The following EXOC4 variants were observed in gnomAD, a reference collection of about 807,000 sequenced individuals.
EXOC4 encodes the protein exocyst complex component 4, also known as SEC8-like 1.
Under a neutral mutation model 107.2 loss-of-function variants are expected in EXOC4, and 71 were observed. That is an observed-to-expected ratio of 0.66 (90% CI 0.55 to 0.81). The LOEUF (loss-of-function observed/expected upper bound fraction) is 0.81, where lower values mean the gene tolerates loss of function less well. Ranked by LOEUF, EXOC4 falls within the 30% of genes least tolerant of loss-of-function variation. The probability of loss-of-function intolerance (pLI) is 0.00; values close to 1 mark genes in which losing one functional copy is unlikely to be tolerated. For missense variants in EXOC4, 1,108 were observed against 1,189.6 expected (o/e 0.93, Z 1.01); for synonymous variants, 456 against 441.2 (o/e 1.03, Z -0.42).
chr7:133,303,683 G>A (rs1455954122), intron 3 of EXOC4, among the ~76,000 whole-genome samples: 3 of 152,052 alleles, frequency 2.0e-5, no homozygotes, highest in Non-Finnish European at 4.4e-5. Context: ...CCTCTTTTGT[G>A]GTAAGGTTTT....
rs903509413 is a variant in EXOC4 at position 133,319,860 on chromosome 7, G to A, written c.763+2470G>A. Among the ~76,000 whole-genome samples, 25 of 13,526 alleles carry A rather than the reference G, an allele frequency of 1.8e-3. 1 individual carries two copies. Among genetic ancestry groups the A allele is most frequent in the African/African-American group, 7.8e-3 (25 of 3,194 alleles). 8.9% of individuals were successfully genotyped at this position (13,526 alleles called of 152,430 possible). A position where few individuals can be genotyped will look rare whatever the true frequency, so the allele number is the denominator to read the frequency against. On this transcript the variant is annotated intron_variant, in intron 5 of 17. Coordinates refer to ENST00000253861, the MANE Select transcript of EXOC4 (RefSeq NM_021807.4). ...GTGCTTTTTTTTTTTTTTTTTTTTTGTGCGTGACCAAAAAAGAAGGTAAAA... is the reference window on the plus strand; with the variant it reads ...GTGCTTTTTTTTTTTTTTTTTTTTTATGCGTGACCAAAAAAGAAGGTAAAA...
intron 10 of EXOC4, among the ~76,000 whole-genome samples, chr7:133,680,806 A>T (rs1428674097): frequency 6.6e-6 from 1 of 152,224 alleles, no homozygotes; most frequent in Admixed American, 6.5e-5. Flanking sequence ...AGAGAAAGCC[A>T]TTAGAAAATC....
intron 12 of EXOC4, among the ~76,000 whole-genome samples, chr7:133,900,940 G>A (rs548306495): frequency 1.7e-4 from 26 of 152,256 alleles, no homozygotes; most frequent in Non-Finnish European, 3.5e-4. Flanking sequence ...CACGATCTCA[G>A]CTCACTGCAG....
At chr7:133,690,815 G>T (rs906414494) in intron 10 of EXOC4, among the ~76,000 whole-genome samples, 2 of 152,102 alleles carry the variant, frequency 1.3e-5, no homozygotes, top group African/African-American at 2.4e-5. Flanking sequence ...GGGCTTCAAG[G>T]GGTCATAAAT....
At chr7:133,819,870 C>T (rs1225508694) in intron 11 of EXOC4, among the ~76,000 whole-genome samples, 1 of 152,100 alleles carries the variant, frequency 6.6e-6, no homozygotes, top group African/African-American at 2.4e-5. Flanking sequence ...ACTCATTGAT[C>T]TGGGCCATGT....
intron 9 of EXOC4, among the ~76,000 whole-genome samples, chr7:133,538,765 A>G (rs569161788): frequency 2.2e-4 from 34 of 152,116 alleles, no homozygotes; most frequent in African/African-American, 7.9e-4. Context: ...CAGGAGTTAG[A>G]GGCTGCAGTG....
chr7:133,850,636 C>T (rs1172692024), intron 11 of EXOC4, among the ~76,000 whole-genome samples: 3 of 148,834 alleles, frequency 2.0e-5, no homozygotes, highest in Admixed American at 6.7e-5. Flanking sequence ...TCTAGGTTAC[C>T]CCCCCACACA....
At chr7:133,767,257 G>A (rs1345657771) in intron 10 of EXOC4, among the ~76,000 whole-genome samples, 2 of 151,936 alleles carry the variant, frequency 1.3e-5, no homozygotes, top group Non-Finnish European at 2.9e-5. Flanking sequence ...GCTCCAGACA[G>A]AAACGAGTTT....
At chr7:133,674,335 T>G (rs1402574622) in intron 10 of EXOC4, among the ~76,000 whole-genome samples, 1 of 152,122 alleles carries the variant, frequency 6.6e-6, no homozygotes, top group Non-Finnish European at 1.5e-5. Context: ...TAAGACAAAA[T>G]GCACAGTAAT....
intron 9 of EXOC4, among the ~76,000 whole-genome samples, chr7:133,612,747 TG>T (rs936656538): frequency 7.2e-5 from 11 of 152,152 alleles, no homozygotes; most frequent in African/African-American, 2.4e-4. Context: ...TGAGAGGTAC[TG>T]GGATTCTTTA....
chr7:133,968,835 G>A (rs994940799), intron 14 of EXOC4, among the ~76,000 whole-genome samples: 4 of 152,042 alleles, frequency 2.6e-5, no homozygotes. Flanking sequence ...TGCTCTTCTC[G>A]AGGAGTATCT....
chr7:134,061,388 C>T (rs1481570867), intron 17 of EXOC4, among the ~76,000 whole-genome samples: 1 of 152,190 alleles, frequency 6.6e-6, no homozygotes, highest in Admixed American at 6.5e-5. Flanking sequence ...TTGAAGGAGA[C>T]AGTGGTTCTG....
At chr7:133,689,611 C>G (rs143610424) in intron 10 of EXOC4, among the ~76,000 whole-genome samples, 11 of 152,274 alleles carry the variant, frequency 7.2e-5, no homozygotes, top group African/African-American at 2.4e-4. Context: ...GACTAGATAT[C>G]AAAGGTAGTC....
chr7:133,606,103 G>T (rs1188496321), intron 9 of EXOC4, among the ~76,000 whole-genome samples: 2 of 152,094 alleles, frequency 1.3e-5, no homozygotes, highest in Non-Finnish European at 2.9e-5. Context: ...ATTTTAAGAA[G>T]GTAGTTTCCA....
chr7:133,339,031 C>T (rs1158235703), intron 5 of EXOC4, among the ~76,000 whole-genome samples: 5 of 152,102 alleles, frequency 3.3e-5, no homozygotes, highest in South Asian at 4.2e-4. Context: ...GGATTACAGG[C>T]GTGAGCCACT....
At chr7:134,043,859 G>A (rs1795583795) in intron 17 of EXOC4, among the ~76,000 whole-genome samples, 1 of 152,152 alleles carries the variant, frequency 6.6e-6, no homozygotes, top group African/African-American at 2.4e-5. Context: ...GACAGGCTGA[G>A]GCTTACTTGA....
At chr7:133,840,280 C>A (rs1218813365) in intron 11 of EXOC4, among the ~76,000 whole-genome samples, 1 of 151,908 alleles carries the variant, frequency 6.6e-6, no homozygotes, top group Non-Finnish European at 1.5e-5. Flanking sequence ...AGAAGCAAGA[C>A]ACAAAAGAAT....
intron 9 of EXOC4, among the ~76,000 whole-genome samples, chr7:133,629,701 T>G (rs1461460911): frequency 4.0e-5 from 6 of 151,406 alleles, no homozygotes; most frequent in African/African-American, 1.5e-4. Context: ...CGACCATGCC[T>G]GGCTAATTTT....
chr7:133,901,017 C>G (rs528745148), intron 12 of EXOC4, among the ~76,000 whole-genome samples: 1 of 152,148 alleles, frequency 6.6e-6, no homozygotes, highest in East Asian at 1.9e-4. Flanking sequence ...TTACAGGTGC[C>G]CACCAACACA....
Sources: allele counts gnomAD v4.1 joint callset (sites outside exome capture counted in the v4.1 genomes callset), GRCh38; gene constraint gnomAD v4.1.1; transcripts MANE v1.5; gene names NCBI Gene and HGNC (gene_info 2026-07-23, HGNC 2026-07-21).